Variants in SGCD observed in about 807,000 individuals in gnomAD.
The protein encoded by SGCD is delta-sarcoglycan.
SGCD carries 18 observed loss-of-function variants against 36.6 expected under a neutral mutation model. The observed-to-expected ratio is 0.49, with a 90% CI of 0.34 to 0.73. The LOEUF is 0.73. SGCD is among the 30% of genes least tolerant of loss of function. SGCD has a pLI of 0.01. For synonymous variants in SGCD, 133 were observed against 130.6 expected, an observed-to-expected ratio of 1.02 and a Z score of -0.12; for missense variants, 387 against 346.7, an observed-to-expected ratio of 1.12 and a Z score of -0.92.
chr5:155,836,035 C>A, the SGCD span, among the ~76,000 whole-genome samples: 96 of 152,232 alleles, frequency 6.3e-4, no homozygotes, highest in Non-Finnish European at 9.1e-4. Flanking sequence ...TGAAAAGTAT[C>A]CCCTGTGGAT....
At chr5:156,104,230 A>G (rs1761589476) in intron 1 of SGCD, among the ~76,000 whole-genome samples, 1 of 152,188 alleles carries the variant, frequency 6.6e-6, no homozygotes, top group Admixed American at 6.6e-5. Flanking sequence ...TGTAATCTTC[A>G]TATAAACTCA....
chr5:156,536,423 T>C (rs1758114457), intron 4 of SGCD, among the ~76,000 whole-genome samples: 1 of 152,194 alleles, frequency 6.6e-6, no homozygotes, highest in Admixed American at 6.6e-5. Flanking sequence ...GCAGGCAAAA[T>C]TCCTGTTATA....
At chr5:155,849,446 G>GCACACACACA in the SGCD span, among the ~76,000 whole-genome samples, 13,588 of 149,766 alleles carry the variant, frequency 0.091, 758 homozygotes, top group South Asian at 0.18. Context: ...ATGTGCGCGC[G>GCACACACACA]CACACACACA....
upstream of SGCD, among the ~76,000 whole-genome samples, chr5:155,866,857 A>G (rs538774675): frequency 6.6e-6 from 1 of 152,282 alleles, no homozygotes; most frequent in African/African-American, 2.4e-5. Flanking sequence ...ACACACACGC[A>G]TGCGTACACA....
At chr5:156,461,526 G>A (rs1754488854) in intron 3 of SGCD, among the ~76,000 whole-genome samples, 1 of 151,658 alleles carries the variant, frequency 6.6e-6, no homozygotes, top group Non-Finnish European at 1.5e-5. Flanking sequence ...ATTTTCTTAG[G>A]GGGAAAAACC....
At chr5:155,895,007 T>C (rs1756216030) in intron 1 of SGCD, among the ~76,000 whole-genome samples, 1 of 151,722 alleles carries the variant, frequency 6.6e-6, no homozygotes, top group Non-Finnish European at 1.5e-5. Flanking sequence ...TAAAGGGAGG[T>C]GGGACTGCAG....
chr5:156,723,875 G>A (rs1174806400), intron 7 of SGCD, among the ~76,000 whole-genome samples: 1 of 151,856 alleles, frequency 6.6e-6, no homozygotes, highest in Admixed American at 6.6e-5. Context: ...GTGTGTGTGT[G>A]TGTATGCATG....
At chr5:156,449,571 C>T (rs1753904168) in intron 3 of SGCD, among the ~76,000 whole-genome samples, 1 of 151,078 alleles carries the variant, frequency 6.6e-6, no homozygotes, top group Non-Finnish European at 1.5e-5. Context: ...GTAGCTCACG[C>T]CTGTAATCCC....
intron 3 of SGCD, among the ~76,000 whole-genome samples, chr5:156,498,057 G>A (rs1232226220): frequency 2.0e-5 from 3 of 152,058 alleles, no homozygotes; most frequent in African/African-American, 7.2e-5. Flanking sequence ...GAAACAGAAC[G>A]TTGCCCAGCA....
At chr5:156,574,469 G>A (rs942726443) in intron 4 of SGCD, among the ~76,000 whole-genome samples, 1 of 152,124 alleles carries the variant, frequency 6.6e-6, no homozygotes, top group African/African-American at 2.4e-5. Context: ...TCTAGCTAAA[G>A]AAACTAAGGC....
intron 3 of SGCD, among the ~76,000 whole-genome samples, chr5:156,171,929 G>A (rs1443826125): frequency 1.3e-5 from 2 of 152,114 alleles, no homozygotes; most frequent in Non-Finnish European, 2.9e-5. Flanking sequence ...GGGAGTAGGT[G>A]CAATTTGATC....
At chr5:155,825,062 T>A in the SGCD span, among the ~76,000 whole-genome samples, 1 of 152,232 alleles carries the variant, frequency 6.6e-6, no homozygotes, top group African/African-American at 2.4e-5. Context: ...TATCATTTTT[T>A]AAAATCAGAT....
intron 1 of SGCD, among the ~76,000 whole-genome samples, chr5:155,905,223 G>A (rs17052977): frequency 6.6e-6 from 1 of 152,098 alleles, no homozygotes; most frequent in Non-Finnish European, 1.5e-5. Flanking sequence ...TTACAAATAT[G>A]CCATAAACAG....
intron 1 of SGCD, among the ~76,000 whole-genome samples, chr5:155,985,019 A>T (rs1758302640): frequency 6.6e-6 from 1 of 152,210 alleles, no homozygotes; most frequent in Non-Finnish European, 1.5e-5. Context: ...TACTGGGTGG[A>T]TGGATTGAAA....
At chr5:155,729,088 C>T in the SGCD span, among the ~76,000 whole-genome samples, 1 of 152,252 alleles carries the variant, frequency 6.6e-6, no homozygotes, top group Non-Finnish European at 1.5e-5. Context: ...TGCGCTTAAT[C>T]TGGCATTGGC....
chr5:156,763,966 T>C lies in SGCD; in HGVS notation c.*4576T>C, dbSNP rs955201833. 1 of 152,074 alleles carries C rather than the reference T, an allele frequency of 6.6e-6. No individual in the cohort carries two copies. Among genetic ancestry groups the C allele is most frequent in the African/African-American group, 2.4e-5 (1 of 41,408 alleles). 9.4% of individuals were successfully genotyped at this position (152,074 alleles called of 1,614,324 possible). A position where few individuals can be genotyped will look rare whatever the true frequency, so the allele number is the denominator to read the frequency against. On this transcript the variant is annotated 3_prime_UTR_variant, in exon 9 of 9. Coordinates refer to ENST00000337851, the MANE Select transcript of SGCD (RefSeq NM_000337.6). Reference sequence around the variant, plus strand: ...AGTTTGGACCAAAAAGGTAAATAGATCCATTCCAGCACCTGATACTGATTT... The same window carrying C: ...AGTTTGGACCAAAAAGGTAAATAGACCCATTCCAGCACCTGATACTGATTT...
intron 1 of SGCD, among the ~76,000 whole-genome samples, chr5:156,111,286 G>A (rs1256566017): frequency 6.6e-6 from 1 of 152,166 alleles, no homozygotes; most frequent in Non-Finnish European, 1.5e-5. Flanking sequence ...TGTGGCTGGT[G>A]CACACTGAGT....
chr5:156,000,738 T>G (rs1758646121), intron 1 of SGCD, among the ~76,000 whole-genome samples: 1 of 152,008 alleles, frequency 6.6e-6, no homozygotes, highest in South Asian at 2.1e-4. Flanking sequence ...GTTCTGAAAC[T>G]TGAGGAGGAA....
chr5:156,537,322 C>T (rs557714942), intron 4 of SGCD, among the ~76,000 whole-genome samples: 1 of 152,058 alleles, frequency 6.6e-6, no homozygotes, highest in East Asian at 1.9e-4. Context: ...AAGCAGGGGC[C>T]CTATCCTGCC....
Sources: gnomAD v4.1 joint callset for allele counts (sites outside exome capture counted in the v4.1 genomes callset) on GRCh38, gnomAD v4.1.1 for gene constraint, MANE v1.5 for transcripts, NCBI Gene and HGNC (gene_info 2026-07-23, HGNC 2026-07-21) for gene names.